MAPK14: variants seen among roughly 807,000 people sequenced by gnomAD.
The protein encoded by MAPK14 is mitogen-activated protein kinase 14.
Under a neutral mutation model 49.6 loss-of-function variants are expected in MAPK14, and 16 were observed. The ratio of observed to expected loss-of-function variants is 0.32; its 90% CI spans 0.22 to 0.49. The LOEUF (loss-of-function observed/expected upper bound fraction) is 0.49. Among genes scored for constraint, MAPK14 ranks in the 20% least tolerant of loss-of-function variants. The pLI, the probability that MAPK14 is intolerant of heterozygous loss-of-function variation, is 0.99. For missense variants in MAPK14, 200 were observed against 441.2 expected (o/e 0.45, Z 4.90); for synonymous variants, 142 against 158.0 (o/e 0.90, Z 0.76).
chr6:36,083,933 A>G (rs993149853), intron 8 of MAPK14, among the ~76,000 whole-genome samples: 3 of 152,090 alleles, frequency 2.0e-5, no homozygotes, highest in Non-Finnish European at 4.4e-5. Context: ...CACCTTATGC[A>G]AGAGCATTCC....
intron 8 of MAPK14, 161 bp downstream of exon 8, chr6:36,076,769 T>G: frequency 2.1e-6 from 1 of 475,074 alleles, no homozygotes. Context: ...TAGCTTGCCT[T>G]GCCAAGAAAG....
intron 8 of MAPK14, among the ~76,000 whole-genome samples, chr6:36,088,473 AGCACTTTGGGAG>A (rs1459615525): frequency 6.6e-6 from 1 of 152,198 alleles, no homozygotes; most frequent in African/African-American, 2.4e-5. Context: ...CTGTAATCCC[AGCACTTTGGGAG>A]GCTGAGGCAG....
At chr6:36,053,094 A>G (rs1385881547) in intron 2 of MAPK14, among the ~76,000 whole-genome samples, 1 of 151,794 alleles carries the variant, frequency 6.6e-6, no homozygotes, top group Admixed American at 6.6e-5. Context: ...ATGTTATGAA[A>G]TACAACACAA....
chr6:36,112,200 C>T (rs377534943), downstream of MAPK14, among the ~76,000 whole-genome samples: 1,317 of 141,924 alleles, frequency 9.3e-3, 10 homozygotes, highest in Middle Eastern at 0.028. Context: ...AGTGAGACTC[C>T]GTCTCAAAAA....
At chr6:36,112,022 C>G (rs1382490873), downstream of MAPK14, among the ~76,000 whole-genome samples, 1 of 151,856 alleles carries the variant, frequency 6.6e-6, no homozygotes, top group East Asian at 1.9e-4. Flanking sequence ...CTGGCTAACA[C>G]GGTGAAACCC....
chr6:36,083,791 T>C (rs906662777), intron 8 of MAPK14, among the ~76,000 whole-genome samples: 2 of 152,178 alleles, frequency 1.3e-5, no homozygotes, highest in East Asian at 1.9e-4. Flanking sequence ...CTCTGAGGAA[T>C]CCAGGCAGTC....
chr6:36,059,723 G>T (rs915103485), intron 3 of MAPK14, among the ~76,000 whole-genome samples: 10 of 151,996 alleles, frequency 6.6e-5, no homozygotes, highest in African/African-American at 2.2e-4. Flanking sequence ...TTGTGATATT[G>T]CCCAGGCTGG....
intron 8 of MAPK14, chr6:36,092,377 T>C (rs1035883682): frequency 4.5e-6 from 3 of 664,846 alleles, no homozygotes; most frequent in Admixed American, 1.8e-5. Flanking sequence ...GGGAACTCTA[T>C]GCAGTAGCCA....
At chr6:36,030,709 T>TTCAG (rs1477912627) in intron 1 of MAPK14, among the ~76,000 whole-genome samples, 2 of 147,580 alleles carry the variant, frequency 1.4e-5, no homozygotes, top group African/African-American at 5.0e-5. Flanking sequence ...AAAAAAGATA[T>TTCAG]TCAGTGAAAA....
chr6:36,079,220 AGC>A, intron 8 of MAPK14, among the ~76,000 whole-genome samples: 1 of 152,316 alleles, frequency 6.6e-6, no homozygotes, highest in South Asian at 2.1e-4. Context: ...TATAATCCAA[AGC>A]TACCTGTCAC....
chr6:36,078,964 G>C (rs1764637578), intron 8 of MAPK14, among the ~76,000 whole-genome samples: 1 of 152,270 alleles, frequency 6.6e-6, no homozygotes, highest in Non-Finnish European at 1.5e-5. Context: ...TAGATGCCTG[G>C]GGACCACCCC....
chr6:36,052,671 G>A (rs752500838), intron 1 of MAPK14, 28 bp from the exon 2 acceptor site: 45 of 1,577,970 alleles, frequency 2.9e-5, no homozygotes, highest in Non-Finnish European at 3.8e-5. Flanking sequence ...CTTTTTAATG[G>A]TGGGTTTTTT....
chr6:36,092,434 G>A (rs16884660), intron 8 of MAPK14: 62,717 of 662,898 alleles, frequency 0.095, 4,047 homozygotes, highest in African/African-American at 0.23. Flanking sequence ...CACTCGTAGT[G>A]AAGCGTTCTC....
chr6:36,045,364 A>G (rs1763132312), intron 1 of MAPK14, among the ~76,000 whole-genome samples: 1 of 152,154 alleles, frequency 6.6e-6, no homozygotes, highest in Non-Finnish European at 1.5e-5. Context: ...TATTACAGGA[A>G]TAATTATGCC....
At chr6:36,122,498 C>T in the MAPK14 span, among the ~76,000 whole-genome samples, 46 of 152,342 alleles carry the variant, frequency 3.0e-4, 1 homozygote, top group African/African-American at 6.7e-4. Flanking sequence ...GGCCAGTCAC[C>T]GGCTGCCAGG....
chr6:36,039,898 A>G (rs1238380764), intron 1 of MAPK14, among the ~76,000 whole-genome samples: 1 of 151,590 alleles, frequency 6.6e-6, no homozygotes, highest in Admixed American at 6.6e-5. Context: ...CAGGAGGCTG[A>G]GGCACAAGAA....
the MAPK14 span, among the ~76,000 whole-genome samples, chr6:36,117,618 G>T: frequency 6.6e-6 from 1 of 152,184 alleles, no homozygotes; most frequent in African/African-American, 2.4e-5. Context: ...ACATATAAAG[G>T]TTAAGGATAC....
At chr6:36,048,983 A>G (rs1479742767) in intron 1 of MAPK14, among the ~76,000 whole-genome samples, 1 of 152,236 alleles carries the variant, frequency 6.6e-6, no homozygotes, top group Non-Finnish European at 1.5e-5. Flanking sequence ...TTTGAGTAGA[A>G]GCAGCACATG....
chr6:36,069,257 T>G (rs1764177397), intron 3 of MAPK14, among the ~76,000 whole-genome samples: 1 of 152,238 alleles, frequency 6.6e-6, no homozygotes, highest in Admixed American at 6.5e-5. Flanking sequence ...TCTTAAAATG[T>G]GCTCATTTAT....
Sources: allele counts gnomAD v4.1 joint callset (sites outside exome capture counted in the v4.1 genomes callset), GRCh38; gene constraint gnomAD v4.1.1; transcripts MANE v1.5; gene names NCBI Gene and HGNC (gene_info 2026-07-23, HGNC 2026-07-21).